Variants in GNG2 observed in about 807,000 individuals in gnomAD.
GNG2 encodes guanine nucleotide-binding protein G(I)/G(S)/G(O) subunit gamma-2.
A neutral mutation model predicts 5.5 loss-of-function variants in GNG2; 5 were observed. That is an observed-to-expected ratio of 0.91 (90% CI 0.48 to 1.92). The LOEUF (loss-of-function observed/expected upper bound fraction) is 1.92. Among genes scored for constraint, GNG2 ranks in the 30% most tolerant of loss-of-function variants. The pLI is 0.01. For synonymous variants in GNG2, 28 were observed against 32.0 expected (o/e 0.88, Z 0.42); for missense variants, 55 against 88.4 (o/e 0.62, Z 1.52).
At chr14:51,900,034 A>G (rs1298749959) in intron 2 of GNG2, among the ~76,000 whole-genome samples, 1 of 152,168 alleles carries the variant, frequency 6.6e-6, no homozygotes, top group Non-Finnish European at 1.5e-5. Flanking sequence ...CTCAGAAATG[A>G]AATTGTTGGA....
chr14:51,882,051 G>A (rs967975490), intron 2 of GNG2, among the ~76,000 whole-genome samples: 34 of 152,070 alleles, frequency 2.2e-4, no homozygotes, highest in Admixed American at 9.2e-4. Flanking sequence ...AAGTTCTTAT[G>A]CTGTAATTTA....
At chr14:51,952,515 C>T (rs1889044083) in intron 3 of GNG2, among the ~76,000 whole-genome samples, 1 of 152,176 alleles carries the variant, frequency 6.6e-6, no homozygotes, top group Non-Finnish European at 1.5e-5. Context: ...AGAGGAGGTT[C>T]TGCCCATGGG....
chr14:51,850,619 G>T (rs576874409), intron 2 of GNG2, among the ~76,000 whole-genome samples: 17 of 152,206 alleles, frequency 1.1e-4, no homozygotes, highest in Non-Finnish European at 2.4e-4. Context: ...AAATATCTGA[G>T]ACTGGATAAT....
At chr14:51,871,219 G>A (rs547138968) in intron 1 of GNG2, among the ~76,000 whole-genome samples, 30 of 151,694 alleles carry the variant, frequency 2.0e-4, no homozygotes, top group Non-Finnish European at 4.3e-4. Context: ...TAGGCATTAA[G>A]GCATTTCATT....
At chr14:51,878,661 T>A (rs1883838363) in intron 2 of GNG2, among the ~76,000 whole-genome samples, 1 of 152,152 alleles carries the variant, frequency 6.6e-6, no homozygotes, top group South Asian at 2.1e-4. Flanking sequence ...GATAAGAGGA[T>A]CGATTTTCCT....
At chr14:51,908,567 T>C (rs1205979832) in intron 2 of GNG2, among the ~76,000 whole-genome samples, 2 of 148,430 alleles carry the variant, frequency 1.3e-5, no homozygotes, top group Non-Finnish European at 3.0e-5. Flanking sequence ...TCTATCCATA[T>C]ATATAGAGAG....
chr14:51,936,924 A>C (rs956279648), intron 2 of GNG2, among the ~76,000 whole-genome samples: 9 of 152,190 alleles, frequency 5.9e-5, no homozygotes, highest in African/African-American at 2.2e-4. Flanking sequence ...CCTGGTCATC[A>C]AGTCAACTTT....
intron 2 of GNG2, among the ~76,000 whole-genome samples, chr14:51,845,748 A>T (rs11621466): frequency 0.17 from 25,875 of 151,978 alleles, 2,643 homozygotes; most frequent in East Asian, 0.44. Flanking sequence ...TGAACCTAAG[A>T]TTTTGCAAAA....
intron 2 of GNG2, among the ~76,000 whole-genome samples, chr14:51,921,408 G>A (rs1277296167): frequency 2.6e-5 from 4 of 152,130 alleles, no homozygotes; most frequent in African/African-American, 9.7e-5. Flanking sequence ...CAGAATACTC[G>A]AGACCCTGGA....
rs1889104701 is a variant in GNG2, at chr14:51,953,517, A to G, written c.87+2752A>G. Among the ~76,000 whole-genome samples the G allele has an allele frequency of 2.0e-5, 3 of 152,216 alleles. No individual in the cohort carries two copies. The South Asian group carries it at 6.2e-4, about 31-fold the overall frequency. ...AAAAGAAGCAAAGCATGAACCTGATAAACTGGGTGTGAGTAGTTGCCTTCC... is the reference window on the plus strand; with the variant it reads ...AAAAGAAGCAAAGCATGAACCTGATGAACTGGGTGTGAGTAGTTGCCTTCC... On this transcript the variant is annotated intron_variant, in intron 3 of 3. Coordinates refer to ENST00000556766, the MANE Select transcript of GNG2 (RefSeq NM_053064.5).
chr14:51,844,138 T>C (rs1881559378), intron 2 of GNG2, among the ~76,000 whole-genome samples: 1 of 152,256 alleles, frequency 6.6e-6, no homozygotes, highest in African/African-American at 2.4e-5. Context: ...ATTCAATTTG[T>C]TGAGGCAGAA....
intron 2 of GNG2, among the ~76,000 whole-genome samples, chr14:51,900,405 C>A (rs1461571041): frequency 1.3e-5 from 2 of 151,858 alleles, no homozygotes; most frequent in Non-Finnish European, 2.9e-5. Context: ...ATACACGAGA[C>A]TGAATTATAT....
At chr14:51,890,949 T>C (rs1005132078) in intron 2 of GNG2, among the ~76,000 whole-genome samples, 1 of 152,198 alleles carries the variant, frequency 6.6e-6, no homozygotes, top group Non-Finnish European at 1.5e-5. Context: ...TTCCAGCTTA[T>C]AGAGCATCTT....
At chr14:51,952,957 C>T (rs948332726) in intron 3 of GNG2, among the ~76,000 whole-genome samples, 2 of 152,200 alleles carry the variant, frequency 1.3e-5, no homozygotes, top group Non-Finnish European at 2.9e-5. Flanking sequence ...TACAAAGTTC[C>T]TGTGACCCCT....
At chr14:51,949,698 T>TC (rs1365807816) in intron 2 of GNG2, among the ~76,000 whole-genome samples, 1 of 152,178 alleles carries the variant, frequency 6.6e-6, no homozygotes, top group Non-Finnish European at 1.5e-5. Flanking sequence ...ACACAGGTAG[T>TC]CCTAAAATTG....
intron 2 of GNG2, among the ~76,000 whole-genome samples, chr14:51,903,047 G>A (rs1885668295): frequency 6.6e-6 from 1 of 152,052 alleles, no homozygotes. Context: ...AACCTGTTTG[G>A]GGTATTTATC....
At chr14:51,954,227 CATAT>C (rs1326978740) in intron 3 of GNG2, among the ~76,000 whole-genome samples, 1 of 152,114 alleles carries the variant, frequency 6.6e-6, no homozygotes, top group Non-Finnish European at 1.5e-5. Context: ...AAGCCTCGGG[CATAT>C]ATAAATTATA....
At chr14:51,859,928 C>A (rs1194271184), upstream of GNG2, among the ~76,000 whole-genome samples, 1 of 152,162 alleles carries the variant, frequency 6.6e-6, no homozygotes, top group African/African-American at 2.4e-5. Context: ...ACTATTAGGC[C>A]TATAGGTAGC....
chr14:51,868,509 G>C (rs749172118), intron 1 of GNG2, among the ~76,000 whole-genome samples: 4 of 152,136 alleles, frequency 2.6e-5, no homozygotes, highest in African/African-American at 9.7e-5. Flanking sequence ...AGGGGTAATT[G>C]GGAGATTACT....
Sources: allele counts gnomAD v4.1 joint callset (sites outside exome capture counted in the v4.1 genomes callset), GRCh38; gene constraint gnomAD v4.1.1; transcripts MANE v1.5; gene names NCBI Gene and HGNC (gene_info 2026-07-23, HGNC 2026-07-21).